The following ENTREP2 variants were observed in gnomAD, a reference collection of about 807,000 sequenced individuals.
ENTREP2 encodes the protein protein ENTREP2.
the ENTREP2 span, among the ~76,000 whole-genome samples, chr15:29,343,029 G>GT: frequency 7.7e-6 from 1 of 129,562 alleles, no homozygotes; most frequent in Non-Finnish European, 1.5e-5. Flanking sequence ...AAAAGGAATG[G>GT]GGGGGGTGGT....
At chr15:29,434,923 G>A in the ENTREP2 span, among the ~76,000 whole-genome samples, 4 of 152,264 alleles carry the variant, frequency 2.6e-5, no homozygotes, top group South Asian at 2.1e-4. Flanking sequence ...TCCAAGACTC[G>A]AGTTTCTCAA....
the ENTREP2 span, among the ~76,000 whole-genome samples, chr15:29,515,005 T>A: frequency 2.6e-5 from 4 of 152,344 alleles, no homozygotes; most frequent in East Asian, 1.9e-4. Flanking sequence ...GGCCCCTTGA[T>A]GGAATCTCTG....
At chr15:29,402,982 C>T in the ENTREP2 span, among the ~76,000 whole-genome samples, 1 of 152,110 alleles carries the variant, frequency 6.6e-6, no homozygotes, top group Non-Finnish European at 1.5e-5. Flanking sequence ...ACAAATTCCA[C>T]CACTTCAATG....
At chr15:29,597,592 A>C in the ENTREP2 span, among the ~76,000 whole-genome samples, 1 of 151,902 alleles carries the variant, frequency 6.6e-6, no homozygotes, top group African/African-American at 2.4e-5. Flanking sequence ...AGATTCATCC[A>C]TAACTTTGTT....
At chr15:29,439,284 T>TACAAAC in the ENTREP2 span, among the ~76,000 whole-genome samples, 573 of 97,130 alleles carry the variant, frequency 5.9e-3, 7 homozygotes, top group African/African-American at 0.024. Context: ...AAATTGGAAT[T>TACAAAC]ACACACACAC....
chr15:29,416,249 C>G, the ENTREP2 span, among the ~76,000 whole-genome samples: 1 of 152,112 alleles, frequency 6.6e-6, no homozygotes, highest in African/African-American at 2.4e-5. Flanking sequence ...TCAAACTATA[C>G]TACAAGGCTA....
At chr15:29,515,416 C>T in the ENTREP2 span, among the ~76,000 whole-genome samples, 2 of 152,198 alleles carry the variant, frequency 1.3e-5, no homozygotes, top group Non-Finnish European at 1.5e-5. Flanking sequence ...GGCAACAAAT[C>T]GGATGATGAC....
chr15:29,270,680 A>C, the ENTREP2 span, among the ~76,000 whole-genome samples: 1 of 152,206 alleles, frequency 6.6e-6, no homozygotes, highest in African/African-American at 2.4e-5. Context: ...TGGGGGATTT[A>C]TCTCTCATCT....
the ENTREP2 span, among the ~76,000 whole-genome samples, chr15:29,148,308 C>A: frequency 6.6e-6 from 1 of 152,172 alleles, no homozygotes; most frequent in African/African-American, 2.4e-5. Context: ...CTCAAGACAG[C>A]TGTTACCCGA....
the ENTREP2 span, among the ~76,000 whole-genome samples, chr15:29,294,182 G>A: frequency 6.6e-6 from 1 of 152,310 alleles, no homozygotes; most frequent in South Asian, 2.1e-4. Context: ...CTGGGATTAG[G>A]GCCCAGGAAT....
chr15:29,488,587 T>G, the ENTREP2 span, among the ~76,000 whole-genome samples: 1 of 152,130 alleles, frequency 6.6e-6, no homozygotes, highest in African/African-American at 2.4e-5. Context: ...TCAAGTGAGA[T>G]GAATACAAAG....
chr15:29,185,170 C>G, the ENTREP2 span, among the ~76,000 whole-genome samples: 1 of 152,092 alleles, frequency 6.6e-6, no homozygotes, highest in Non-Finnish European at 1.5e-5. Flanking sequence ...GCATGTTGGC[C>G]AGGCTGGTCT....
chr15:29,223,106 C>T, the ENTREP2 span, among the ~76,000 whole-genome samples: 1 of 152,236 alleles, frequency 6.6e-6, no homozygotes, highest in Non-Finnish European at 1.5e-5. Context: ...GGCAGGGCTG[C>T]TGCTGACTGG....
the ENTREP2 span, among the ~76,000 whole-genome samples, chr15:29,147,445 C>T: frequency 5.3e-5 from 8 of 151,834 alleles, 2 homozygotes; most frequent in South Asian, 1.7e-3. Flanking sequence ...CACTTCACCA[C>T]CATGATGGTT....
At chr15:29,209,122 T>A in the ENTREP2 span, among the ~76,000 whole-genome samples, 6 of 152,180 alleles carry the variant, frequency 3.9e-5, no homozygotes, top group Admixed American at 6.5e-5. Flanking sequence ...TGTTCACCTG[T>A]CAAGAGTTAC....
chr15:29,447,084 T>A, the ENTREP2 span, among the ~76,000 whole-genome samples: 3 of 151,918 alleles, frequency 2.0e-5, no homozygotes, highest in Admixed American at 1.3e-4. Context: ...TGGAGGGGGG[T>A]CACTATTCAG....
At chr15:29,193,464 G>A in the ENTREP2 span, among the ~76,000 whole-genome samples, 7 of 152,312 alleles carry the variant, frequency 4.6e-5, no homozygotes, top group African/African-American at 1.7e-4. Flanking sequence ...TCACACTGGT[G>A]CAACCACTCC....
At chr15:29,541,250 T>G in the ENTREP2 span, among the ~76,000 whole-genome samples, 1 of 152,144 alleles carries the variant, frequency 6.6e-6, no homozygotes, top group Non-Finnish European at 1.5e-5. Context: ...CGGAGCACAC[T>G]GCGGAAATTT....
chr15:29,300,440 T>C, the ENTREP2 span, among the ~76,000 whole-genome samples: 10 of 143,808 alleles, frequency 7.0e-5, no homozygotes, highest in African/African-American at 2.0e-4. Context: ...GATGAGTGGA[T>C]GGGATGGATG....
Sources: gnomAD v4.1 joint callset for allele counts (sites outside exome capture counted in the v4.1 genomes callset) on GRCh38, gnomAD v4.1.1 for gene constraint, MANE v1.5 for transcripts, NCBI Gene and HGNC (gene_info 2026-07-23, HGNC 2026-07-21) for gene names.